Variants in TM9SF2 observed in about 807,000 individuals in gnomAD.
The protein encoded by TM9SF2 is 76 kDa membrane protein.
A neutral mutation model predicts 84.9 loss-of-function variants in TM9SF2; 13 were observed. The ratio of observed to expected loss-of-function variants is 0.15; its 90% CI spans 0.10 to 0.24. The LOEUF (loss-of-function observed/expected upper bound fraction) is 0.24. Among genes scored for constraint, TM9SF2 ranks in the 10% least tolerant of loss-of-function variants. TM9SF2 has a pLI of 1.00. For synonymous variants in TM9SF2, 273 were observed against 285.8 expected (o/e 0.96, Z 0.45); for missense variants, 562 against 818.5 (o/e 0.69, Z 3.82).
intron 3 of TM9SF2, among the ~76,000 whole-genome samples, chr13:99,521,464 T>A (rs890935708): frequency 1.3e-5 from 2 of 152,150 alleles, no homozygotes; most frequent in Non-Finnish European, 2.9e-5. Flanking sequence ...CATAGCCACC[T>A]TCCCTGCTTT....
At chr13:99,545,758 G>A (rs181136069) in intron 10 of TM9SF2, among the ~76,000 whole-genome samples, 2 of 152,134 alleles carry the variant, frequency 1.3e-5, no homozygotes, top group Admixed American at 6.5e-5. Flanking sequence ...GTAGAGACAC[G>A]GTTTCACCAT....
At chr13:99,527,043 A>C (rs570264239) in intron 3 of TM9SF2, among the ~76,000 whole-genome samples, 1 of 152,246 alleles carries the variant, frequency 6.6e-6, no homozygotes, top group East Asian at 1.9e-4. Context: ...CATTCTGAGA[A>C]GAGGTTGAGG....
In TM9SF2 at chr13:99,502,016, A is replaced by G. The variant is rs563107589; in HGVS notation, c.171+239A>G. Among the ~76,000 whole-genome samples the G allele has an allele frequency of 2.6e-5, 4 of 152,316 alleles. 1 individual carries two copies. The East Asian group carries it at 7.7e-4, about 29-fold the overall frequency. On this transcript the variant is annotated intron_variant, in intron 1 of 16. Transcript: ENST00000376387. ...AGACTCGCCTCCCGTCTTGCGGGCC[A>G]AGTGGCACGAGCAGCTGTATTCAGT...
intron 1 of TM9SF2, among the ~76,000 whole-genome samples, chr13:99,516,030 C>T (rs1473809278): frequency 1.3e-5 from 2 of 152,166 alleles, no homozygotes; most frequent in African/African-American, 4.8e-5. Flanking sequence ...CTGTGCCCAG[C>T]CGAGAAATAC....
In TM9SF2 at chr13:99,559,522, T is replaced by C; in HGVS notation, c.1912T>C (p.Phe638Leu). 4 of 1,593,908 alleles carry C rather than the reference T, an allele frequency of 2.5e-6. No homozygotes were observed. The highest frequency in any genetic ancestry group is 3.4e-6 in the Non-Finnish European group (4 of 1,174,828). ...TACCATGATAATGGTTTTGATCTTC[T>C]TTCTTTTTACAGGTAAAATTATAAT... ...GYTMIMVLIF[F>L]LFTGTIGFFA... Residue 638 changes from phenylalanine to leucine, a missense_variant, in exon 16 of 17, where the codon TTT becomes CTT. By Grantham distance (22) the Phe-to-Leu change is conservative. Transcript: ENST00000376387.
At chr13:99,521,764 T>C (rs2046161433) in intron 3 of TM9SF2, among the ~76,000 whole-genome samples, 5 of 152,146 alleles carry the variant, frequency 3.3e-5, no homozygotes, top group Non-Finnish European at 7.4e-5. Flanking sequence ...TGGAGTGACG[T>C]GGCACAATCA....
intron 4 of TM9SF2, among the ~76,000 whole-genome samples, chr13:99,535,013 G>A (rs1195185073): frequency 6.6e-6 from 1 of 152,084 alleles, no homozygotes; most frequent in South Asian, 2.1e-4. Flanking sequence ...TTAGCCAGGT[G>A]TGATGGCATG....
intron 4 of TM9SF2, among the ~76,000 whole-genome samples, chr13:99,531,623 A>G (rs2046210338): frequency 6.6e-6 from 1 of 152,106 alleles, no homozygotes; most frequent in South Asian, 2.1e-4. Context: ...CCCCATAAGA[A>G]TGGGTTCTGT....
chr13:99,562,714 T>C lies in TM9SF2; in HGVS notation c.1948T>C (p.Phe650Leu), dbSNP rs1321384918. ...FTGTIGFFAC[F>L]WFVTKIYSVV... ...AGGAACAATTGGCTTCTTTGCATGC[T>C]TTTGGTTTGTTACCAAAATATACAG... The change falls in exon 17 of 17, where the codon TTT becomes CTT. Residue 650 changes from phenylalanine (F) to leucine (L), a missense_variant. Physicochemically the swap from Phe to Leu is conservative, Grantham distance 22. Transcript: ENST00000376387. The C allele has an allele frequency of 6.2e-7, 1 of 1,613,342 alleles. No individual in the cohort carries two copies. Among genetic ancestry groups the C allele is most frequent in the African/African-American group, 1.3e-5 (1 of 74,924 alleles).
At chr13:99,506,642 GTGTCTTTC>G (rs1000938401) in intron 1 of TM9SF2, among the ~76,000 whole-genome samples, 1 of 152,218 alleles carries the variant, frequency 6.6e-6, no homozygotes, top group Non-Finnish European at 1.5e-5. Flanking sequence ...GAATAAAATT[GTGTCTTTC>G]TGCCTGTGGC....
At chr13:99,519,596 G>C (rs549596937) in intron 2 of TM9SF2, 3 of 158,386 alleles carry the variant, frequency 1.9e-5, no homozygotes, top group Admixed American at 6.1e-5. Context: ...ATTGGGATGT[G>C]TTGGCAAGTG....
intron 15 of TM9SF2, among the ~76,000 whole-genome samples, chr13:99,558,783 C>T (rs1018475260): frequency 1.2e-4 from 18 of 151,780 alleles, no homozygotes; most frequent in Non-Finnish European, 2.4e-4. Flanking sequence ...GTTTGCTTTT[C>T]GAATATATTT....
At chr13:99,542,883 C>T (rs1442403941) in intron 9 of TM9SF2, among the ~76,000 whole-genome samples, 1 of 152,146 alleles carries the variant, frequency 6.6e-6, no homozygotes, top group Admixed American at 6.5e-5. Context: ...CTTAGCACAG[C>T]AGTCAGAGTG....
Position 99,517,695 on chromosome 13 carries a change from C to G in TM9SF2, c.239+14C>G. On this transcript the variant is annotated intron_variant, in intron 2 of 16. Transcript: ENST00000376387. ...TGAATACACAGCGTAAGTTTTTCAG[C>G]TTGGCTTTTATATAAAATTTTATGT... The G allele has an allele frequency of 6.4e-7, 1 of 1,553,394 alleles. No homozygotes were observed. The highest frequency in any genetic ancestry group is 2.3e-5 in the East Asian group (1 of 42,766).
intron 9 of TM9SF2, 184 bp downstream of exon 9, chr13:99,541,851 T>A: frequency 2.3e-6 from 1 of 440,592 alleles, no homozygotes; most frequent in Non-Finnish European, 4.1e-6. Flanking sequence ...AAGTGATACT[T>A]AAGAATTAAT....
At chr13:99,507,512 A>G (rs1024866973) in intron 1 of TM9SF2, among the ~76,000 whole-genome samples, 2 of 152,202 alleles carry the variant, frequency 1.3e-5, no homozygotes, top group Admixed American at 6.5e-5. Flanking sequence ...GATATAGTCT[A>G]AAATTGAAAT....
intron 1 of TM9SF2, 139 bp from the exon 2 acceptor site, chr13:99,517,475 G>A (rs2046139651): frequency 1.9e-6 from 1 of 530,366 alleles, no homozygotes; most frequent in Non-Finnish European, 3.2e-6. Flanking sequence ...GAATGGATTT[G>A]TAAGAGAATT....
intron 16 of TM9SF2, among the ~76,000 whole-genome samples, chr13:99,561,688 TCCTTTAATATTTTCTCAGAGTA>T (rs150269751): frequency 0.025 from 3,795 of 152,306 alleles, 154 homozygotes; most frequent in African/African-American, 0.085. Flanking sequence ...TTAGAAAATC[TCCTTTAATATTTTCTCAGAGTA>T]CTGCATTTAA....
rs746156149 is a variant in TM9SF2, at chr13:99,559,469, C to T, written c.1859C>T (p.Thr620Ile). 6 of 1,614,066 alleles carry T rather than the reference C, an allele frequency of 3.7e-6. No individual in the cohort carries two copies. The Admixed American group carries it at 1.0e-4, about 27-fold the overall frequency. Residue 620 changes from threonine (T) to isoleucine (I), a missense_variant, in exon 16 of 17, where the codon ACA (threonine) becomes ATA (isoleucine). Physicochemically the swap from Thr to Ile is moderately conservative, Grantham distance 89. Transcript: ENST00000376387. ...TTTTCAAAACTGCAGATCACGGGAACAGCAAGCACAATTCTGTACTTTGGT... is the reference window on the plus strand; with the variant it reads ...TTTTCAAAACTGCAGATCACGGGAATAGCAAGCACAATTCTGTACTTTGGT... ...YFFSKLQITG[T>I]ASTILYFGYT... is the part of the protein sequence containing the mutation.
Sources: allele counts gnomAD v4.1 joint callset (sites outside exome capture counted in the v4.1 genomes callset), GRCh38; gene constraint gnomAD v4.1.1; transcripts MANE v1.5; gene names NCBI Gene and HGNC (gene_info 2026-07-23, HGNC 2026-07-21).